EPHA7: variants seen among roughly 807,000 people sequenced by gnomAD.
EPHA7 encodes the protein EPH receptor A7.
Under a neutral mutation model 112.6 loss-of-function variants are expected in EPHA7, and 25 were observed. The ratio of observed to expected loss-of-function variants is 0.22; its 90% CI spans 0.16 to 0.31. The LOEUF (loss-of-function observed/expected upper bound fraction) is 0.31, where lower values mean the gene tolerates loss of function less well. Ranked by LOEUF, EPHA7 falls within the 10% of genes least tolerant of loss-of-function variation. The probability of loss-of-function intolerance (pLI) is 1.00; values close to 1 mark genes in which losing one functional copy is unlikely to be tolerated. For synonymous variants in EPHA7, 437 were observed against 406.5 expected (o/e 1.07, Z -0.90); for missense variants, 962 against 1,212.6 (o/e 0.79, Z 3.07).
intron 3 of EPHA7, among the ~76,000 whole-genome samples, chr6:93,386,104 T>C (rs1041899509): frequency 2.6e-5 from 4 of 152,202 alleles, no homozygotes; most frequent in East Asian, 1.9e-4. Context: ...CCTGGGCACC[T>C]CCCAAATTTC....
chr6:93,410,800 G>A lies in EPHA7; in HGVS notation c.533C>T (p.Ser178Phe), dbSNP rs1778939683. The change falls in exon 3 of 17, where the codon TCC (serine) becomes TTC (phenylalanine). Residue 178 changes from serine (S) to phenylalanine (F), a missense_variant. Physicochemically the swap from Ser to Phe is radical, Grantham distance 155 (BLOSUM62 -2). Transcript: ENST00000369303. The surrounding 1 kb of genome is among the most constrained non-coding windows in gnomAD (Gnocchi z 4.0). ...AAAGGCAAGATAGAATCCCTTTTTGGACAAAGGTCCAATCTCTCTCACCTC... is the reference window on the plus strand; with the variant it reads ...AAAGGCAAGATAGAATCCCTTTTTGAACAAAGGTCCAATCTCTCTCACCTC... ...NTEVREIGPL[S>F]KKGFYLAFQD... The A allele has an allele frequency of 1.2e-6, 2 of 1,613,936 alleles. No homozygotes were observed. The highest frequency in any genetic ancestry group is 1.7e-6 in the Non-Finnish European group (2 of 1,179,918).
At chr6:93,382,077 T>G (rs1280345761) in intron 3 of EPHA7, among the ~76,000 whole-genome samples, 1 of 152,198 alleles carries the variant, frequency 6.6e-6, no homozygotes, top group Non-Finnish European at 1.5e-5. Flanking sequence ...TAGAAAACTT[T>G]GGATAGAAAA....
intron 5 of EPHA7, among the ~76,000 whole-genome samples, chr6:93,286,576 C>G (rs909439552): frequency 6.6e-6 from 1 of 152,172 alleles, no homozygotes; most frequent in Non-Finnish European, 1.5e-5. Flanking sequence ...ATTCTCCCTG[C>G]TCCCCAGTTA....
At chr6:93,392,530 A>T (rs908352355) in intron 3 of EPHA7, among the ~76,000 whole-genome samples, 6 of 152,004 alleles carry the variant, frequency 3.9e-5, no homozygotes, top group Non-Finnish European at 8.8e-5. Context: ...ATATGACAAA[A>T]ATCTTATCAA....
chr6:93,297,434 C>G (rs1266250014), intron 5 of EPHA7, among the ~76,000 whole-genome samples: 3 of 151,992 alleles, frequency 2.0e-5, no homozygotes, highest in African/African-American at 7.2e-5. Context: ...TTCTTTTGGT[C>G]AATATAGTCA....
At chr6:93,250,069 T>C (rs1373934242) in intron 14 of EPHA7, among the ~76,000 whole-genome samples, 1 of 152,138 alleles carries the variant, frequency 6.6e-6, no homozygotes, top group African/African-American at 2.4e-5. Context: ...GTTTTATACA[T>C]TTTTAAAGGA....
At chr6:93,337,859 G>A (rs1024437102) in intron 5 of EPHA7, among the ~76,000 whole-genome samples, 43 of 152,054 alleles carry the variant, frequency 2.8e-4, no homozygotes, top group African/African-American at 1.0e-3. Context: ...TGTGACACTG[G>A]AATAATGATT....
Position 93,419,539 on chromosome 6 carries a change from G to A in EPHA7, c.-198C>T. The A allele has an allele frequency of 1.9e-6, 1 of 517,752 alleles. No individual in the cohort carries two copies. Among genetic ancestry groups the A allele is most frequent in the Non-Finnish European group, 3.4e-6 (1 of 297,396 alleles). 32.1% of individuals were successfully genotyped at this position (517,752 alleles called of 1,614,324 possible). ...TTCGCTCGCACCGTGTTTGCTGCCT[G>A]CAAGTCTCCGACTGCAGACCGGCCG... On this transcript the variant is annotated 5_prime_UTR_variant, in exon 1 of 17. Transcript: ENST00000369303.
chr6:93,359,854 TAGAGAGAG>T (rs57690732), intron 3 of EPHA7, among the ~76,000 whole-genome samples: 11 of 125,234 alleles, frequency 8.8e-5, no homozygotes, highest in South Asian at 2.7e-4. Flanking sequence ...CAATAGATGA[TAGAGAGAG>T]AGAGAGAGAG....
chr6:93,377,097 G>A (rs961181406), intron 3 of EPHA7, among the ~76,000 whole-genome samples: 3 of 152,148 alleles, frequency 2.0e-5, no homozygotes, highest in Non-Finnish European at 1.5e-5. Flanking sequence ...TCAAATGAAG[G>A]TGATTCTGCC....
At chr6:93,382,820 A>T (rs951138437) in intron 3 of EPHA7, among the ~76,000 whole-genome samples, 1 of 152,170 alleles carries the variant, frequency 6.6e-6, no homozygotes, top group African/African-American at 2.4e-5. Flanking sequence ...ATCCATGAAA[A>T]GGTCCCAACA....
At chr6:93,304,649 C>T (rs1287924583) in intron 5 of EPHA7, among the ~76,000 whole-genome samples, 2 of 152,074 alleles carry the variant, frequency 1.3e-5, no homozygotes, top group Non-Finnish European at 2.9e-5. Context: ...GAGGAGAATT[C>T]TTTCAACCCA....
chr6:93,400,835 C>A (rs1176723671), intron 3 of EPHA7, among the ~76,000 whole-genome samples: 1 of 151,980 alleles, frequency 6.6e-6, no homozygotes, highest in Non-Finnish European at 1.5e-5. Context: ...GCTGTGCCTA[C>A]CAAGAATGAT....
At chr6:93,321,242 A>G (rs1018845409) in intron 5 of EPHA7, among the ~76,000 whole-genome samples, 1 of 152,004 alleles carries the variant, frequency 6.6e-6, no homozygotes, top group African/African-American at 2.4e-5. Flanking sequence ...TGTGGTTCTC[A>G]GTATTTGCAT....
At chr6:93,371,029 C>T (rs71558458) in intron 3 of EPHA7, among the ~76,000 whole-genome samples, 9,059 of 150,996 alleles carry the variant, frequency 0.06, 392 homozygotes, top group Non-Finnish European at 0.084. Flanking sequence ...CCAGCCGTGG[C>T]GGCGGGAGCC....
intron 16 of EPHA7, among the ~76,000 whole-genome samples, chr6:93,243,947 T>C (rs1178695381): frequency 1.3e-5 from 2 of 152,140 alleles, no homozygotes; most frequent in African/African-American, 4.8e-5. Flanking sequence ...GTTTGTGGGA[T>C]CTAGTAGAAA....
At chr6:93,268,628 A>G (rs1433670378) in intron 7 of EPHA7, among the ~76,000 whole-genome samples, 1 of 151,672 alleles carries the variant, frequency 6.6e-6, no homozygotes, top group Non-Finnish European at 1.5e-5. Context: ...AAAATATAGA[A>G]ACATGTACTG....
chr6:93,413,709 TA>T (rs1779088846), intron 2 of EPHA7, among the ~76,000 whole-genome samples: 1 of 151,948 alleles, frequency 6.6e-6, no homozygotes, highest in Non-Finnish European at 1.5e-5. Flanking sequence ...AAATTAAATT[TA>T]ATGAAAACTC....
At chr6:93,336,615 A>C (rs777485426) in intron 5 of EPHA7, among the ~76,000 whole-genome samples, 19 of 151,854 alleles carry the variant, frequency 1.3e-4, no homozygotes, top group East Asian at 5.8e-4. Context: ...GTTAGCCAGG[A>C]TGGTCTTGAT....
Sources: allele counts gnomAD v4.1 joint callset (sites outside exome capture counted in the v4.1 genomes callset), GRCh38; gene constraint gnomAD v4.1.1; non-coding constraint Gnocchi (gnomAD v3.1); transcripts MANE v1.5; gene names NCBI Gene and HGNC (gene_info 2026-07-23, HGNC 2026-07-21).